Variants in PFN4 observed in about 807,000 individuals in gnomAD.
The protein encoded by PFN4 is profilin family member 4, also known as profilin-4.
A neutral mutation model predicts 16.3 loss-of-function variants in PFN4; 10 were observed. The ratio of observed to expected loss-of-function variants is 0.61; its 90% CI spans 0.38 to 1.04. The LOEUF (loss-of-function observed/expected upper bound fraction) is 1.04. PFN4 is among the 50% of genes least tolerant of loss of function. The probability of loss-of-function intolerance (pLI) is 0.01; values close to 1 mark genes in which losing one functional copy is unlikely to be tolerated. For synonymous variants in PFN4, 54 were observed against 56.9 expected, an observed-to-expected ratio of 0.95 and a Z score of 0.23; for missense variants, 136 against 153.6, an observed-to-expected ratio of 0.89 and a Z score of 0.61.
intron 3 of PFN4, among the ~76,000 whole-genome samples, chr2:24,120,561 A>T (rs1666078296): frequency 6.6e-6 from 1 of 151,826 alleles, no homozygotes; most frequent in South Asian, 2.1e-4. Flanking sequence ...TTTTTTTTAA[A>T]ATTTTTTTTT....
Position 24,115,464 on chromosome 2 carries a change from T to A in PFN4, c.*119A>T. On this transcript the variant is annotated 3_prime_UTR_variant, in exon 5 of 5. Coordinates refer to ENST00000313213, the MANE Select transcript of PFN4 (RefSeq NM_199346.3). Reference sequence around the variant, plus strand: ...AAGTAATAAAAATTGCTCCCTTAATTCATTCTTCTTTTTTAGTGCCTTCTG... The same window carrying A: ...AAGTAATAAAAATTGCTCCCTTAATACATTCTTCTTTTTTAGTGCCTTCTG... The A allele has an allele frequency of 1.2e-6, 1 of 827,674 alleles. No homozygotes were observed. The highest frequency in any genetic ancestry group is 1.9e-6 in the Non-Finnish European group (1 of 524,000). 51.3% of individuals were successfully genotyped at this position (827,674 alleles called of 1,614,324 possible). A position where few individuals can be genotyped will look rare whatever the true frequency, so the allele number is the denominator to read the frequency against.
intron 3 of PFN4, among the ~76,000 whole-genome samples, chr2:24,120,676 C>A (rs1255584491): frequency 2.0e-5 from 3 of 151,994 alleles, no homozygotes; most frequent in African/African-American, 7.3e-5. Context: ...CTGCCTCAGC[C>A]TCCCAAGTAG....
chr2:24,119,793 T>G, intron 3 of PFN4, 111 bp from the exon 4 acceptor site: 1 of 707,242 alleles, frequency 1.4e-6, no homozygotes, highest in Non-Finnish European at 2.4e-6. Flanking sequence ...GTTTGGAATA[T>G]ATATGGAATA....
rs374268200 is a variant in PFN4, at chr2:24,121,195, G to A, written c.223C>T (p.Arg75Trp). ...YFKGKDYRCV[R>W]ADEYSLYAKN... ...GCATAAAGAGAATATTCATCTGCCC[G>A]GACACATCTGTAATCTTTTCCCTTG... Residue 75 changes from arginine (R) to tryptophan (W), a missense_variant, in exon 3 of 5, where the codon CGG (arginine) becomes TGG (tryptophan). By Grantham distance (101) the Arg-to-Trp change is moderately radical. Coordinates refer to ENST00000313213, the MANE Select transcript of PFN4 (RefSeq NM_199346.3). The A allele has an allele frequency of 5.5e-5, 89 of 1,613,966 alleles. No homozygotes were observed. Among genetic ancestry groups the A allele is most frequent in the African/African-American group, 6.7e-5 (5 of 74,890 alleles).
rs1665864996 is a variant in PFN4, at chr2:24,114,902, G to A, written c.*681C>T. 6.6e-6 allele frequency among the ~76,000 whole-genome samples: 1 copy of A among 152,178 alleles called. No homozygotes were observed. Among genetic ancestry groups the A allele is most frequent in the East Asian group, 1.9e-4 (1 of 5,190 alleles). On this transcript the variant is annotated 3_prime_UTR_variant, in exon 5 of 5. Coordinates refer to ENST00000313213, the MANE Select transcript of PFN4 (RefSeq NM_199346.3). ...GTGTGCAGTGAGAGTTAGGGTTAGA[G>A]TCAGAAATCTTTTTGAGTTGATTTT...
intron 2 of PFN4, among the ~76,000 whole-genome samples, chr2:24,121,645 C>A (rs763584632): frequency 6.6e-6 from 1 of 152,068 alleles, no homozygotes; most frequent in South Asian, 2.1e-4. Context: ...TGATTCCCAG[C>A]GTTTTCGGTG....
At chr2:24,119,254 G>C (rs1251023884) in intron 4 of PFN4, among the ~76,000 whole-genome samples, 1 of 151,944 alleles carries the variant, frequency 6.6e-6, no homozygotes, top group Non-Finnish European at 1.5e-5. Context: ...TGCCAAATCA[G>C]GGTCCTAAGA....
Position 24,122,373 on chromosome 2 carries a change from A to G in PFN4, c.117+46T>C, listed in dbSNP as rs1311418941. The G allele has an allele frequency of 2.9e-6, 4 of 1,361,310 alleles. No individual in the cohort carries two copies. The Admixed American group carries it at 7.8e-5, about 27-fold the overall frequency. 84.3% of individuals were successfully genotyped at this position (1,361,310 alleles called of 1,614,324 possible). ...CTGCTTCATTTTTTGGAAGAATAGAAATAATAAGTAAATCAAGTCTTAGGT... is the reference window on the plus strand; with the variant it reads ...CTGCTTCATTTTTTGGAAGAATAGAGATAATAAGTAAATCAAGTCTTAGGT... On this transcript the variant is annotated intron_variant, in intron 2 of 4. Coordinates refer to ENST00000313213, the MANE Select transcript of PFN4 (RefSeq NM_199346.3).
chr2:24,119,619 C>A lies in PFN4; in HGVS notation c.319G>T (p.Gly107Cys). The change falls in exon 4 of 5, where the codon GGC becomes TGC. Residue 107 changes from glycine to cysteine, a missense_variant. Transcript: ENST00000313213. ...TCCACACAGATGCTAGGATACATGCCCTCAGTGTAAGTTGCTACCAGAAGA... is the reference window on the plus strand; with the variant it reads ...TCCACACAGATGCTAGGATACATGCACTCAGTGTAAGTTGCTACCAGAAGA... ...LYLLVATYTE[G>C]MYPSICVEAT... 1 of 1,613,906 alleles carries A rather than the reference C, an allele frequency of 6.2e-7. No homozygotes were observed. Among genetic ancestry groups the A allele is most frequent in the Non-Finnish European group, 8.5e-7 (1 of 1,179,890 alleles).
chr2:24,120,264 G>A (rs200545787), intron 3 of PFN4, among the ~76,000 whole-genome samples: 34 of 128,392 alleles, frequency 2.6e-4, no homozygotes, highest in African/African-American at 7.9e-4. Context: ...AGTGAAACTC[G>A]TCTCAAAAAA....
At chr2:24,120,611 A>G (rs977143485) in intron 3 of PFN4, among the ~76,000 whole-genome samples, 11 of 152,078 alleles carry the variant, frequency 7.2e-5, no homozygotes, top group Non-Finnish European at 1.5e-4. Flanking sequence ...GCCGGAGTGC[A>G]ATGGCACGAT....
At chr2:24,117,116 G>A (rs1665944378) in intron 4 of PFN4, among the ~76,000 whole-genome samples, 1 of 149,412 alleles carries the variant, frequency 6.7e-6, no homozygotes, top group South Asian at 2.1e-4. Flanking sequence ...CTCCGTTCAA[G>A]TGATTCTCCT....
At chr2:24,123,087 TC>T (rs1444017377) in intron 1 of PFN4, 30 bp downstream of exon 1, 1 of 152,092 alleles carries the variant, frequency 6.6e-6, no homozygotes, top group African/African-American at 2.4e-5. Context: ...CCCGCACAAG[TC>T]CCCAAGCCTT....
intron 4 of PFN4, among the ~76,000 whole-genome samples, chr2:24,117,078 C>A (rs1343884102): frequency 6.8e-6 from 1 of 147,896 alleles, no homozygotes; most frequent in African/African-American, 2.5e-5. Context: ...TGCAGTGGCA[C>A]GATCTCGGCT....
At chr2:24,117,572 A>G (rs1327148737) in intron 4 of PFN4, among the ~76,000 whole-genome samples, 2 of 151,874 alleles carry the variant, frequency 1.3e-5, no homozygotes, top group African/African-American at 2.4e-5. Flanking sequence ...CCTCCTGAGC[A>G]GCAGGGATTA....
intron 3 of PFN4, 141 bp downstream of exon 3, chr2:24,121,022 G>C: frequency 9.2e-7 from 1 of 1,088,220 alleles, no homozygotes; most frequent in Non-Finnish European, 1.3e-6. Context: ...TGTCTTCCTG[G>C]CACTAGACTG....
Position 24,115,355 on chromosome 2 carries a change from G to A in PFN4, c.*228C>T. On this transcript the variant is annotated 3_prime_UTR_variant, in exon 5 of 5. Coordinates refer to ENST00000313213, the MANE Select transcript of PFN4 (RefSeq NM_199346.3). ...ATAGATATGCTCTGTGAAATGATCA[G>A]TGCTCTCTCATTCCATGCCGATGAC... is the stretch of plus-strand genomic sequence containing the variant. 1.9e-6 allele frequency: 1 copy of A among 537,886 alleles called. No homozygotes were observed. The highest frequency in any genetic ancestry group is 3.3e-6 in the Non-Finnish European group (1 of 299,362). The allele number at this position is 537,886 out of a possible 1,614,324, so 33.3% of individuals were successfully genotyped here. A position where few individuals can be genotyped will look rare whatever the true frequency, so the allele number is the denominator to read the frequency against.
At chr2:24,119,789 AATATATATGGAATATAC>A (rs1666038590) in intron 3 of PFN4, 107 bp from the exon 4 acceptor site, 1 of 753,832 alleles carries the variant, frequency 1.3e-6, no homozygotes, top group Admixed American at 2.4e-5. Flanking sequence ...ATATGTTTGG[AATATATATGGAATATAC>A]ATATTCCGTA....
chr2:24,122,121 T>C (rs755165552), intron 2 of PFN4, among the ~76,000 whole-genome samples: 2 of 152,020 alleles, frequency 1.3e-5, no homozygotes, highest in African/African-American at 2.4e-5. Flanking sequence ...CACCTGAGGT[T>C]AGGAGTTTGA....
Sources: allele counts gnomAD v4.1 joint callset (sites outside exome capture counted in the v4.1 genomes callset), GRCh38; gene constraint gnomAD v4.1.1; transcripts MANE v1.5; gene names NCBI Gene and HGNC (gene_info 2026-07-23, HGNC 2026-07-21).